The following EIF4ENIF1 variants were observed in gnomAD, a reference collection of about 807,000 sequenced individuals.
The protein encoded by EIF4ENIF1 is eukaryotic translation initiation factor 4E transporter.
In EIF4ENIF1, 23 loss-of-function variants were observed where a neutral mutation model predicts 110.5. The observed-to-expected ratio is 0.21, with a 90% confidence interval of 0.15 to 0.29. EIF4ENIF1 has a LOEUF of 0.29. EIF4ENIF1 is among the 10% of genes least tolerant of loss of function. The probability of loss-of-function intolerance (pLI) is 1.00; values close to 1 mark genes in which losing one functional copy is unlikely to be tolerated. For synonymous variants in EIF4ENIF1, 440 were observed against 437.0 expected (o/e 1.01, Z -0.09); for missense variants, 1,031 against 1,221.1 (o/e 0.84, Z 2.32).
At chr22:31,488,400 T>C (rs1355143452) in intron 2 of EIF4ENIF1, among the ~76,000 whole-genome samples, 2 of 152,184 alleles carry the variant, frequency 1.3e-5, no homozygotes, top group African/African-American at 2.4e-5. Flanking sequence ...TAAGCCTACA[T>C]TCCCTTCACC....
upstream of EIF4ENIF1, among the ~76,000 whole-genome samples, chr22:31,492,405 T>C (rs1001400957): frequency 1.3e-5 from 2 of 152,208 alleles, no homozygotes; most frequent in South Asian, 4.1e-4. Context: ...ATGATATCAG[T>C]GCCCAGGGCA....
intron 2 of EIF4ENIF1, among the ~76,000 whole-genome samples, 162 bp downstream of exon 2, chr22:31,488,461 G>A (rs2052128203): frequency 6.6e-6 from 1 of 152,100 alleles, no homozygotes; most frequent in South Asian, 2.1e-4. Flanking sequence ...ATCTACACTT[G>A]CAGAAAAATG....
intron 10 of EIF4ENIF1, among the ~76,000 whole-genome samples, chr22:31,453,161 GA>G (rs893905456): frequency 6.6e-6 from 1 of 152,108 alleles, no homozygotes; most frequent in Non-Finnish European, 1.5e-5. Flanking sequence ...AAGAGATAGT[GA>G]TATTAACACA....
chr22:31,448,069 C>T, intron 13 of EIF4ENIF1, 84 bp downstream of exon 13: 1 of 1,487,620 alleles, frequency 6.7e-7, no homozygotes. Context: ...TTTTAAGAAT[C>T]ACAACAGTTC....
At chr22:31,484,039 T>G (rs966270529) in intron 2 of EIF4ENIF1, among the ~76,000 whole-genome samples, 3 of 152,184 alleles carry the variant, frequency 2.0e-5, no homozygotes, top group Admixed American at 2.0e-4. Flanking sequence ...CCCCAAAGAA[T>G]AACTATGCAT....
chr22:31,484,780 G>A (rs374700915), intron 2 of EIF4ENIF1, among the ~76,000 whole-genome samples: 6 of 152,208 alleles, frequency 3.9e-5, no homozygotes, highest in East Asian at 3.9e-4. Context: ...TGCGGTGAGC[G>A]GAGATGGCGC....
At chr22:31,483,166 T>C (rs2051887446) in intron 2 of EIF4ENIF1, among the ~76,000 whole-genome samples, 1 of 148,500 alleles carries the variant, frequency 6.7e-6, no homozygotes. Context: ...CAAGGGCTTC[T>C]GGTGAAGAAA....
chr22:31,459,670 A>C (rs2145971830), intron 6 of EIF4ENIF1, among the ~76,000 whole-genome samples: 1 of 152,322 alleles, frequency 6.6e-6, no homozygotes, highest in Middle Eastern at 3.4e-3. Context: ...ATACTCTACA[A>C]TGTTCAGTTG....
At chr22:31,462,103 G>T (rs2051013863) in intron 6 of EIF4ENIF1, among the ~76,000 whole-genome samples, 1 of 152,102 alleles carries the variant, frequency 6.6e-6, no homozygotes, top group Non-Finnish European at 1.5e-5. Context: ...TCCTCTTACA[G>T]GATAACTTCA....
chr22:31,458,879 T>A (rs946983465), intron 6 of EIF4ENIF1, among the ~76,000 whole-genome samples: 6 of 151,580 alleles, frequency 4.0e-5, no homozygotes, highest in African/African-American at 1.2e-4. Flanking sequence ...GGGAGGATTA[T>A]GGTTCCCTTC....
intron 2 of EIF4ENIF1, among the ~76,000 whole-genome samples, chr22:31,486,648 G>A (rs887040255): frequency 5.3e-5 from 8 of 151,700 alleles, no homozygotes; most frequent in Non-Finnish European, 1.0e-4. Context: ...GCATGGTGGC[G>A]CACGCCTGTA....
rs2050309991 is a variant in EIF4ENIF1 at position 31,441,874 on chromosome 22, G to A, written c.2451C>T (p.Val817=). 6 of 1,614,166 alleles carry A rather than the reference G, an allele frequency of 3.7e-6. No individual in the cohort carries two copies. The South Asian group carries it at 5.5e-5, about 15-fold the overall frequency. Reference sequence around the variant, plus strand: ...GCTGGTGAGCAGGCCTAACCATAGGGACATGGGGGACAAGGGGAACTTGGT... The same window carrying A: ...GCTGGTGAGCAGGCCTAACCATAGGAACATGGGGGACAAGGGGAACTTGGT... ...PVHQVPLVPH[V]PMVRPAHQLH... is the part of the protein sequence containing the mutation. The change falls in exon 17 of 19, where the codon GTC becomes GTT. Residue 817 remains valine, a synonymous_variant. Coordinates refer to ENST00000330125, the MANE Select transcript of EIF4ENIF1 (RefSeq NM_019843.4).
chr22:31,468,983 ACT>A (rs1569093500), intron 3 of EIF4ENIF1, among the ~76,000 whole-genome samples: 1 of 152,056 alleles, frequency 6.6e-6, no homozygotes, highest in Non-Finnish European at 1.5e-5. Context: ...GAGTCCCTTA[ACT>A]CTCTCACCAG....
chr22:31,463,318 C>A (rs1055519989), intron 5 of EIF4ENIF1, among the ~76,000 whole-genome samples, 185 bp from the exon 6 acceptor site: 27 of 152,018 alleles, frequency 1.8e-4, no homozygotes, highest in African/African-American at 5.8e-4. Flanking sequence ...TGCCTGTTCT[C>A]AAAGTAACCT....
intron 7 of EIF4ENIF1, among the ~76,000 whole-genome samples, chr22:31,456,433 C>G (rs1209483556): frequency 1.3e-5 from 2 of 151,896 alleles, no homozygotes; most frequent in South Asian, 4.2e-4. Context: ...CCGTGTTAGC[C>G]AGGATGGTCT....
In EIF4ENIF1 at chr22:31,463,785, T is replaced by C; in HGVS notation, c.481A>G (p.Ile161Val). The change falls in exon 5 of 19, where the codon ATC becomes GTC. Residue 161 changes from isoleucine to valine, a missense_variant. Physicochemically the swap from Ile to Val is conservative, Grantham distance 29 (BLOSUM62 3). This residue lies in a region of EIF4ENIF1 where 704 missense variants were observed against 879.7 expected (regional missense o/e 0.80). Coordinates refer to ENST00000330125, the MANE Select transcript of EIF4ENIF1 (RefSeq NM_019843.4). ...TCCTTCTCAAAGGTCCGGGCAGAGA[T>C]TATCCTCCCACTGCCAATCCTACGT... The part of the protein sequence containing the change: ...GGRRIGSGRI[I>V]SARTFEKDHR... 6.2e-7 allele frequency: 1 copy of C among 1,613,814 alleles called. No individual in the cohort carries two copies. Among genetic ancestry groups the C allele is most frequent in the South Asian group, 1.1e-5 (1 of 91,060 alleles).
At chr22:31,474,488 T>TA (rs57290895) in intron 2 of EIF4ENIF1, among the ~76,000 whole-genome samples, 4,035 of 123,078 alleles carry the variant, frequency 0.033, 150 homozygotes, top group Admixed American at 0.092. Flanking sequence ...ACATGCCATC[T>TA]TTTTTTTTTT....
chr22:31,476,856 C>T (rs1023250819), intron 2 of EIF4ENIF1, among the ~76,000 whole-genome samples: 1 of 151,494 alleles, frequency 6.6e-6, no homozygotes, highest in Non-Finnish European at 1.5e-5. Context: ...AAAAATTAGC[C>T]AGGTGTGGGG....
In EIF4ENIF1 at chr22:31,454,506, G is replaced by A. The variant is rs2050760005; in HGVS notation, c.1280-130C>T. On this transcript the variant is annotated intron_variant, in intron 9 of 18. Transcript: ENST00000330125. Reference sequence around the variant, plus strand: ...TGAGATGAGACTGTCAGAAAAGACTGACACCAAAAATAAACTAATAACACT... The same window carrying A: ...TGAGATGAGACTGTCAGAAAAGACTAACACCAAAAATAAACTAATAACACT... The A allele has an allele frequency of 1.9e-5, 14 of 754,144 alleles. No homozygotes were observed. In the South Asian group the frequency reaches 2.6e-4, roughly 14 times the overall value. 46.7% of individuals were successfully genotyped at this position (754,144 alleles called of 1,614,324 possible).
Sources: gnomAD v4.1 joint callset for allele counts (sites outside exome capture counted in the v4.1 genomes callset) on GRCh38, gnomAD v4.1.1 for gene constraint, gnomAD v4.1.1 regional missense constraint, MANE v1.5 for transcripts, NCBI Gene and HGNC (gene_info 2026-07-23, HGNC 2026-07-21) for gene names.